TIMM44: variants seen among roughly 807,000 people sequenced by gnomAD.
TIMM44 encodes the protein translocase of inner mitochondrial membrane 44, also known as mitochondrial import inner membrane translocase subunit TIM44.
In TIMM44, 37 loss-of-function variants were observed where a neutral mutation model predicts 63.8. That is an observed-to-expected ratio of 0.58 (90% CI 0.45 to 0.76). The LOEUF (loss-of-function observed/expected upper bound fraction) is 0.76, where lower values mean the gene tolerates loss of function less well. Among genes scored for constraint, TIMM44 ranks in the 30% least tolerant of loss-of-function variants. TIMM44 has a pLI of 0.00. For synonymous variants in TIMM44, 239 were observed against 245.1 expected (o/e 0.98, Z 0.23); for missense variants, 573 against 603.8 (o/e 0.95, Z 0.54).
intron 10 of TIMM44, among the ~76,000 whole-genome samples, chr19:7,930,202 G>A (rs965992393): frequency 6.6e-6 from 1 of 151,492 alleles, no homozygotes; most frequent in African/African-American, 2.4e-5. Context: ...GTGCTGTGCT[G>A]CGATGACTCA....
rs1364218204 is a variant in TIMM44, at chr19:7,932,949, A to G, written c.770-17T>C. On this transcript the variant is annotated splice_polypyrimidine_tract_variant and intron_variant, in intron 7 of 12. Transcript: ENST00000270538. ...CGAAGAACCCTGTGGAAGATGGGGTAGGTGCTGGAGAAGGGGCCCCTTCCA... is the reference window on the plus strand; with the variant it reads ...CGAAGAACCCTGTGGAAGATGGGGTGGGTGCTGGAGAAGGGGCCCCTTCCA... 6.2e-7 allele frequency: 1 copy of G among 1,609,684 alleles called. No homozygotes were observed. Among genetic ancestry groups the G allele is most frequent in the Non-Finnish European group, 8.5e-7 (1 of 1,176,152 alleles).
At chr19:7,941,301 AT>A (rs373554761) in intron 1 of TIMM44, 104 bp from the exon 2 acceptor site, 100,616 of 593,776 alleles carry the variant, frequency 0.17, 5 homozygotes, top group South Asian at 0.22. Context: ...CTCACTGGCC[AT>A]TTTTTTTTTT....
chr19:7,937,879 G>A (rs781559137), intron 3 of TIMM44, 148 bp downstream of exon 3: 14 of 910,986 alleles, frequency 1.5e-5, no homozygotes, highest in Admixed American at 5.5e-5. Context: ...TTAGCTGGGC[G>A]TGGTGGTGCG....
In TIMM44 at chr19:7,932,701, G is replaced by T. The variant is rs1179379146; in HGVS notation, c.913C>A (p.Arg305=). ...TCCTTGTCAAAGGCCGGGTCCACCC[G>T]GAGGATCTCCGTGAGCACCTCCGAC... is the stretch of plus-strand genomic sequence containing the variant. ...EMSEVLTEIL[R]VDPAFDKDRF... Residue 305 remains arginine, a synonymous_variant, in exon 9 of 13, where the codon CGG becomes AGG. Transcript: ENST00000270538. 6.2e-7 allele frequency: 1 copy of T among 1,614,166 alleles called. No individual in the cohort carries two copies. Among genetic ancestry groups the T allele is most frequent in the East Asian group, 2.2e-5 (1 of 44,866 alleles).
chr19:7,931,322 C>T (rs1242965363), intron 9 of TIMM44, 134 bp from the exon 10 acceptor site: 7 of 815,020 alleles, frequency 8.6e-6, no homozygotes, highest in Admixed American at 1.8e-5. Context: ...CTGTGGGGCG[C>T]GGGTGGAGCT....
intron 1 of TIMM44, among the ~76,000 whole-genome samples, chr19:7,941,627 G>A (rs149643490): frequency 1.4e-4 from 21 of 151,674 alleles, no homozygotes; most frequent in South Asian, 1.3e-3. Flanking sequence ...GATGCATGCC[G>A]GGCACTCTGT....
chr19:7,927,009 G>C lies in TIMM44; in HGVS notation c.*178C>G, dbSNP rs536928414. ...CTGCGGGGGAGTGTCTCCAGCTGCC[G>C]CGCACCCGCAACAGCCCGTTGTCCC... is the stretch of plus-strand genomic sequence containing the variant. On this transcript the variant is annotated 3_prime_UTR_variant, in exon 13 of 13. Transcript: ENST00000270538. The C allele has an allele frequency of 1.8e-5, 16 of 870,874 alleles. No individual in the cohort carries two copies. The highest frequency in any genetic ancestry group is 2.7e-5 in the Non-Finnish European group (15 of 565,514). 53.9% of individuals were successfully genotyped at this position (870,874 alleles called of 1,614,324 possible).
chr19:7,927,897 G>C lies in TIMM44; in HGVS notation c.1129-130C>G, dbSNP rs986759866. 3 of 1,130,762 alleles carry C rather than the reference G, an allele frequency of 2.7e-6. 1 individual carries two copies. The highest frequency in any genetic ancestry group is 4.8e-4 in the Middle Eastern group (2 of 4,184). The allele number at this position is 1,130,762 out of a possible 1,614,324, so 70.0% of individuals were successfully genotyped here. On this transcript the variant is annotated intron_variant, in intron 11 of 12. Transcript: ENST00000270538. ...CCAGGCCCAGCACCGGTCCCTCCCC[G>C]TGGGCCTTGCCTCTCAGGCCAGGAC...
At chr19:7,931,327 G>A (rs1983976578) in intron 9 of TIMM44, 139 bp from the exon 10 acceptor site, 2 of 791,382 alleles carry the variant, frequency 2.5e-6, no homozygotes, top group East Asian at 5.1e-5. Flanking sequence ...GGGCGCGGGT[G>A]GAGCTGTGGC....
chr19:7,938,426 T>A (rs1485048281), intron 2 of TIMM44, among the ~76,000 whole-genome samples: 2 of 151,336 alleles, frequency 1.3e-5, no homozygotes, highest in Non-Finnish European at 2.9e-5. Context: ...GAAAAAAAAA[T>A]GAGCTCTCAG....
intron 3 of TIMM44, 77 bp downstream of exon 3, chr19:7,937,950 G>A (rs558680208): frequency 1.0e-5 from 16 of 1,553,630 alleles, no homozygotes; most frequent in Middle Eastern, 1.7e-4. Context: ...CCTGGGAGGT[G>A]GAGGTTGCAG....
In TIMM44 at chr19:7,926,940, C is replaced by T; in HGVS notation, c.*247G>A. 3.9e-6 allele frequency: 2 copies of T among 511,542 alleles called. No homozygotes were observed. The highest frequency in any genetic ancestry group is 3.5e-6 in the Non-Finnish European group (1 of 282,662). The allele number at this position is 511,542 out of a possible 1,614,324, so 31.7% of individuals were successfully genotyped here. On this transcript the variant is annotated 3_prime_UTR_variant, in exon 13 of 13. Coordinates refer to ENST00000270538, the MANE Select transcript of TIMM44 (RefSeq NM_006351.4). ...CCTGTGTGCACCCCAGGTGACCAGGCGCCGGGACCCCTGCAGGGCAGAGCA... is the reference window on the plus strand; with the variant it reads ...CCTGTGTGCACCCCAGGTGACCAGGTGCCGGGACCCCTGCAGGGCAGAGCA...
intron 10 of TIMM44, 35 bp from the exon 11 acceptor site, chr19:7,928,201 A>T: frequency 2.5e-6 from 4 of 1,579,614 alleles, no homozygotes; most frequent in Non-Finnish European, 3.5e-6. Context: ...GCGTGATGCC[A>T]CCCAGGGTGG....
chr19:7,943,625 G>C lies in TIMM44; in HGVS notation c.27C>G (p.Gly9=), dbSNP rs1984370922. 3.2e-6 allele frequency: 5 copies of C among 1,572,996 alleles called. No homozygotes were observed. Among genetic ancestry groups the C allele is most frequent in the South Asian group, 2.3e-5 (2 of 87,334 alleles). Residue 9 remains glycine (G), a synonymous_variant, in exon 1 of 13, where the codon GGC becomes GGG. Transcript: ENST00000270538. The surrounding 1 kb of genome is among the most constrained non-coding windows in gnomAD (Gnocchi z 4.3). MAAAALRS[G]WCRCPRRCLG... ...CGCTCACCCGTGGACAGCGGCACCA[G>C]CCACTCCGCAGGGCCGCCGCCGCCA...
rs887350527 is a variant in TIMM44 at position 7,932,572 on chromosome 19, G to A, written c.987+55C>T. On this transcript the variant is annotated intron_variant, in intron 9 of 12. Coordinates refer to ENST00000270538, the MANE Select transcript of TIMM44 (RefSeq NM_006351.4). ...CCAGGGTGCCGGCTGCGGCGGGGGAGGTGGTGGAGCCAGGACCTGCCGCCT... is the reference window on the plus strand; with the variant it reads ...CCAGGGTGCCGGCTGCGGCGGGGGAAGTGGTGGAGCCAGGACCTGCCGCCT... 6.3e-6 allele frequency: 10 copies of A among 1,596,422 alleles called. 1 individual carries two copies. The highest frequency in any genetic ancestry group is 2.2e-5 in the East Asian group (1 of 44,732).
rs1261981896 is a variant in TIMM44 at position 7,928,142 on chromosome 19, T to C, written c.1063A>G (p.Ile355Val). 4 of 1,613,806 alleles carry C rather than the reference T, an allele frequency of 2.5e-6. No individual in the cohort carries two copies. Among genetic ancestry groups the C allele is most frequent in the Non-Finnish European group, 3.4e-6 (4 of 1,179,918 alleles). The change falls in exon 11 of 13, where the codon ATC (isoleucine) becomes GTC (valine). Residue 355 changes from isoleucine (I) to valine (V), a missense_variant. Coordinates refer to ENST00000270538, the MANE Select transcript of TIMM44 (RefSeq NM_006351.4). ...EATYSQLAHP[I>V]QQAKALGLQF... is the part of the protein sequence containing the mutation. The stretch of plus-strand genomic sequence containing the variant: ...AGACCCAGTGCCTTGGCCTGCTGGA[T>C]GGGGTGGGCCAGCTGGCTGTAAGTC...
chr19:7,941,949 G>A (rs1984323748), intron 1 of TIMM44, among the ~76,000 whole-genome samples: 2 of 152,140 alleles, frequency 1.3e-5, no homozygotes, highest in African/African-American at 4.8e-5. Context: ...TGTTGCCCCA[G>A]GGACAACTCT....
At chr19:7,928,910 C>T (rs796084664) in intron 10 of TIMM44, 1 of 17,710 alleles carries the variant, frequency 5.6e-5, no homozygotes, top group Non-Finnish European at 1.1e-4. Flanking sequence ...AAGGTAAAAA[C>T]AAAACAAAAA....
intron 1 of TIMM44, among the ~76,000 whole-genome samples, chr19:7,941,870 G>GCCCA (rs1354193326): frequency 6.6e-6 from 1 of 152,168 alleles, no homozygotes. Context: ...TCTCTTGCGA[G>GCCCA]CCCACCCCAT....
Sources: gnomAD v4.1 joint callset for allele counts (sites outside exome capture counted in the v4.1 genomes callset) on GRCh38, gnomAD v4.1.1 for gene constraint, Gnocchi (gnomAD v3.1) non-coding constraint, MANE v1.5 for transcripts, NCBI Gene and HGNC (gene_info 2026-07-23, HGNC 2026-07-21) for gene names.